The following DDX1 variants were observed in gnomAD, a reference collection of about 807,000 sequenced individuals.
DDX1 encodes DEAD-box helicase 1.
A neutral mutation model predicts 108.7 loss-of-function variants in DDX1; 28 were observed. The ratio of observed to expected loss-of-function variants is 0.26; its 90% CI spans 0.19 to 0.35. DDX1 has a LOEUF of 0.35. Among genes scored for constraint, DDX1 ranks in the 10% least tolerant of loss-of-function variants. The pLI is 1.00. For missense variants in DDX1, 710 were observed against 884.5 expected, an observed-to-expected ratio of 0.80 and a Z score of 2.50; for synonymous variants, 295 against 288.9, an observed-to-expected ratio of 1.02 and a Z score of -0.21.
chr2:15,630,454 T>A (rs2148751289), intron 25 of DDX1, among the ~76,000 whole-genome samples: 1 of 152,344 alleles, frequency 6.6e-6, no homozygotes, highest in East Asian at 1.9e-4. Flanking sequence ...CAGGTGGTAA[T>A]TCAGCATATT....
rs552466839 is a variant in DDX1, at chr2:15,603,201, A to G, written c.401A>G (p.Tyr134Cys). 2.3e-5 allele frequency: 37 copies of G among 1,610,734 alleles called. No individual in the cohort carries two copies. The highest frequency in any genetic ancestry group is 1.1e-4 in the East Asian group (5 of 44,834). The change falls in exon 8 of 26, where the codon TAC becomes TGC. Residue 134 changes from tyrosine to cysteine, a missense_variant. Tyr to Cys is a radical substitution (Grantham distance 194). Transcript: ENST00000233084. ...ATKGLMKGKH[Y>C]YEVSCHDQGL... Reference sequence around the variant, plus strand: ...TATTTTACCCTTGTAGGGAAACACTACTATGAAGTATCCTGTCATGACCAA... The same window carrying G: ...TATTTTACCCTTGTAGGGAAACACTGCTATGAAGTATCCTGTCATGACCAA...
chr2:15,619,000 G>A (rs1665945171), intron 16 of DDX1, among the ~76,000 whole-genome samples: 1 of 152,238 alleles, frequency 6.6e-6, no homozygotes, highest in South Asian at 2.1e-4. Context: ...GTGGGGGCAA[G>A]GGAGGGCCTT....
intron 8 of DDX1, among the ~76,000 whole-genome samples, chr2:15,603,525 A>C (rs1665619208): frequency 6.6e-6 from 1 of 152,208 alleles, no homozygotes; most frequent in Non-Finnish European, 1.5e-5. Context: ...AGTGTGTGTG[A>C]ATCTGTACCA....
chr2:15,620,979 T>C, intron 17 of DDX1, 86 bp from the exon 18 acceptor site: 1 of 835,328 alleles, frequency 1.2e-6, no homozygotes, highest in South Asian at 1.6e-5. Flanking sequence ...AAGACAAATA[T>C]AAATCTCCCT....
intron 12 of DDX1, 84 bp from the exon 13 acceptor site, chr2:15,607,091 T>C (rs1347040974): frequency 7.4e-6 from 9 of 1,223,320 alleles, no homozygotes; most frequent in East Asian, 2.4e-5. Context: ...AATGTTGATA[T>C]TAGAATATTT....
chr2:15,611,748 C>T (rs1161257366), intron 13 of DDX1, among the ~76,000 whole-genome samples: 9 of 108,552 alleles, frequency 8.3e-5, no homozygotes, highest in Admixed American at 1.7e-4. Flanking sequence ...GCTGACCCCC[C>T]CACCTCCCTC....
intron 20 of DDX1, among the ~76,000 whole-genome samples, chr2:15,627,786 G>A (rs750710047): frequency 6.6e-5 from 10 of 152,160 alleles, no homozygotes; most frequent in Non-Finnish European, 1.3e-4. Context: ...TTTGGCTTAC[G>A]TTTCCATGCT....
At chr2:15,607,030 A>C in intron 12 of DDX1, 145 bp from the exon 13 acceptor site, 1 of 802,010 alleles carries the variant, frequency 1.2e-6, no homozygotes, top group East Asian at 2.8e-5. Flanking sequence ...TAGAAATCTA[A>C]GGTTTATTCT....
chr2:15,623,258 T>C (rs538941039), intron 18 of DDX1, among the ~76,000 whole-genome samples, 178 bp from the exon 19 acceptor site: 1 of 152,318 alleles, frequency 6.6e-6, no homozygotes. Context: ...ATGAATGGTT[T>C]AACTCACTGT....
At position 15,620,258 on chromosome 2, in the gene DDX1, C is replaced by G. The variant is rs541970738; in HGVS notation, c.1257C>G (p.Ser419=). The change falls in exon 17 of 26, where the codon TCC becomes TCG. Residue 419 remains serine (S), a synonymous_variant. Coordinates refer to ENST00000233084, the MANE Select transcript of DDX1 (RefSeq NM_004939.3). ...TLHSFDVKKL[S]EKIMHFPTWV... is the part of the protein sequence containing the mutation. ...ATTCTTTCGATGTAAAGAAACTGTC[C>G]GAGAAGATAATGCATTTTCCTACAT... 6.8e-6 allele frequency: 11 copies of G among 1,613,884 alleles called. No individual in the cohort carries two copies. The highest frequency in any genetic ancestry group is 9.3e-6 in the Non-Finnish European group (11 of 1,179,940).
At chr2:15,618,594 GCT>G (rs1665939495) in intron 16 of DDX1, among the ~76,000 whole-genome samples, 1 of 152,252 alleles carries the variant, frequency 6.6e-6, no homozygotes, top group Admixed American at 6.5e-5. Flanking sequence ...ATGGGCACCG[GCT>G]CTCTGTGAGG....
chr2:15,630,670 T>A, intron 25 of DDX1, 106 bp from the exon 26 acceptor site: 1 of 1,224,156 alleles, frequency 8.2e-7, no homozygotes, highest in Non-Finnish European at 1.2e-6. Context: ...TAGTACATTT[T>A]ATTGCTGCAA....
intron 1 of DDX1, among the ~76,000 whole-genome samples, chr2:15,592,993 T>C (rs1665440330): frequency 6.6e-6 from 1 of 151,992 alleles, no homozygotes; most frequent in South Asian, 2.1e-4. Context: ...TGATCTTGGC[T>C]CACTGCAGCC....
At chr2:15,612,868 GT>G in intron 13 of DDX1, among the ~76,000 whole-genome samples, 1 of 151,766 alleles carries the variant, frequency 6.6e-6, no homozygotes, top group Non-Finnish European at 1.5e-5. Flanking sequence ...CCAGTCAGGC[GT>G]GGTGGCGCGT....
At chr2:15,613,868 C>T (rs1304684762) in intron 14 of DDX1, among the ~76,000 whole-genome samples, 1 of 142,306 alleles carries the variant, frequency 7.0e-6, no homozygotes. Flanking sequence ...AGGAGTTTCA[C>T]TCTTGTCGCC....
chr2:15,613,046 G>C (rs1039907979), intron 13 of DDX1, among the ~76,000 whole-genome samples, 178 bp from the exon 14 acceptor site: 1 of 152,168 alleles, frequency 6.6e-6, no homozygotes, highest in East Asian at 1.9e-4. Flanking sequence ...GGGAGGGGGA[G>C]GGAGAGGGCA....
intron 7 of DDX1, 61 bp from the exon 8 acceptor site, chr2:15,603,130 CT>C: frequency 1.7e-6 from 2 of 1,150,670 alleles, no homozygotes; most frequent in Non-Finnish European, 2.6e-6. Flanking sequence ...GGGAAGATGA[CT>C]TCATGGTAAA....
intron 18 of DDX1, chr2:15,621,486 A>AGTAGAGAT (rs1289428666): frequency 1.0e-5 from 2 of 194,542 alleles, no homozygotes; most frequent in Admixed American, 1.2e-4. Flanking sequence ...TTATATTTTT[A>AGTAGAGAT]GTAGAGATGG....
intron 1 of DDX1, 134 bp downstream of exon 1, chr2:15,592,083 C>T: frequency 2.4e-6 from 2 of 819,876 alleles, no homozygotes; most frequent in Non-Finnish European, 3.4e-6. Context: ...CGCTGCAGTC[C>T]CTGATGGACC....
Sources: allele counts gnomAD v4.1 joint callset (sites outside exome capture counted in the v4.1 genomes callset), GRCh38; gene constraint gnomAD v4.1.1; transcripts MANE v1.5; gene names NCBI Gene and HGNC (gene_info 2026-07-23, HGNC 2026-07-21).